The following DIPK2B variants were observed in gnomAD, a reference collection of about 807,000 sequenced individuals.
The protein encoded by DIPK2B is UPF0672 protein CXorf36.
A neutral mutation model predicts 22.2 loss-of-function variants in DIPK2B; 15 were observed. The observed-to-expected ratio is 0.68, with a 90% CI of 0.45 to 1.04. The LOEUF (loss-of-function observed/expected upper bound fraction) is 1.04. Among genes scored for constraint, DIPK2B ranks in the 50% least tolerant of loss-of-function variants. The pLI, the probability that DIPK2B is intolerant of heterozygous loss-of-function variation, is 0.00. For synonymous variants in DIPK2B, 163 were observed against 153.2 expected, an observed-to-expected ratio of 1.06 and a Z score of -0.47; for missense variants, 345 against 348.3, an observed-to-expected ratio of 0.99 and a Z score of 0.08.
intron 2 of DIPK2B, among the ~76,000 whole-genome samples, chrX:45,159,025 A>C (rs1222938199): frequency 9.0e-6 from 1 of 110,741 alleles, no homozygotes; most frequent in Non-Finnish European, 1.9e-5. Context: ...CCTCTCCATA[A>C]ACTACCCAGG....
rs1017034992 is a variant in DIPK2B, at chrX:45,157,894, C to G, written c.499-6G>C. On this transcript the variant is annotated splice_polypyrimidine_tract_variant and splice_region_variant and intron_variant, in intron 2 of 4. Coordinates refer to ENST00000398000, the MANE Select transcript of DIPK2B (RefSeq NM_176819.4). ...AGGAGCGGGCTGGCCAGGCCCTACGCGCAGGTGGGAGAGAGGCGGGAGAAG... is the reference window on the plus strand; with the variant it reads ...AGGAGCGGGCTGGCCAGGCCCTACGGGCAGGTGGGAGAGAGGCGGGAGAAG... The G allele has an allele frequency of 5.6e-6, 6 of 1,071,323 alleles. No individual in the cohort carries two copies. The highest frequency in any genetic ancestry group is 4.9e-6 in the Non-Finnish European group (4 of 814,861). 88.3% of individuals were successfully genotyped at this position (1,071,323 alleles called of 1,213,427 possible). A position where few individuals can be genotyped will look rare whatever the true frequency, so the allele number is the denominator to read the frequency against.
intron 2 of DIPK2B, among the ~76,000 whole-genome samples, chrX:45,170,523 T>C (rs924548338): frequency 8.9e-6 from 1 of 112,728 alleles, no homozygotes; most frequent in Non-Finnish European, 1.9e-5. Flanking sequence ...AATTGGCTTC[T>C]TTTAGAGTGT....
intron 2 of DIPK2B, among the ~76,000 whole-genome samples, chrX:45,185,344 A>G (rs1159072602): frequency 8.9e-6 from 1 of 111,978 alleles, no homozygotes; most frequent in Non-Finnish European, 1.9e-5. Flanking sequence ...AATTGTATAG[A>G]ACAAAGGATG....
chrX:45,192,047 C>T (rs1279796486), intron 1 of DIPK2B, 32 bp from the exon 2 acceptor site: 1 of 1,176,581 alleles, frequency 8.5e-7, no homozygotes, highest in East Asian at 3.0e-5. Flanking sequence ...GAGGATTGGC[C>T]TGTGAGCTGG....
chrX:45,171,318 G>T (rs946432985), intron 2 of DIPK2B, among the ~76,000 whole-genome samples: 1 of 106,018 alleles, frequency 9.4e-6, no homozygotes, highest in Non-Finnish European at 2.0e-5. Context: ...ACCCTTGCCG[G>T]TCCCTGCAAA....
intron 2 of DIPK2B, among the ~76,000 whole-genome samples, chrX:45,183,902 G>C (rs1185858532): frequency 8.9e-6 from 1 of 111,979 alleles, no homozygotes; most frequent in Admixed American, 9.5e-5. Flanking sequence ...CTAAGACATA[G>C]ATAAAAATTG....
chrX:45,197,735 T>C (rs942067148), intron 1 of DIPK2B, among the ~76,000 whole-genome samples: 1 of 111,957 alleles, frequency 8.9e-6, no homozygotes, highest in Non-Finnish European at 1.9e-5. Flanking sequence ...TATTTGTAAG[T>C]GTGCAAGAAG....
At chrX:45,194,982 A>G (rs1484942009) in intron 1 of DIPK2B, among the ~76,000 whole-genome samples, 1 of 112,246 alleles carries the variant, frequency 8.9e-6, no homozygotes, top group African/African-American at 3.2e-5. Context: ...ATGACTTGTA[A>G]TGAGTGCCTG....
rs141606270 is a variant in DIPK2B at position 45,182,724 on chromosome X, C to T, written c.498+9027G>A. Among the ~76,000 whole-genome samples the T allele has an allele frequency of 2.5e-3, 286 of 113,294 alleles. 1 individual carries two copies. Among genetic ancestry groups the T allele is most frequent in the Non-Finnish European group, 4.7e-3 (250 of 53,470 alleles). On this transcript the variant is annotated intron_variant, in intron 2 of 4. Transcript: ENST00000398000. Reference sequence around the variant, plus strand: ...AAAAAGAACACCAACCACGGATTCACGCAACAACATGGATAAATAGCATGA... The same window carrying T: ...AAAAAGAACACCAACCACGGATTCATGCAACAACATGGATAAATAGCATGA...
At chrX:45,153,764 C>A (rs1038456588) in intron 4 of DIPK2B, 146 bp downstream of exon 4, 1 of 470,868 alleles carries the variant, frequency 2.1e-6, no homozygotes, top group Non-Finnish European at 3.6e-6. Context: ...TACATGAAAT[C>A]TAATATTCTC....
rs2046961215 is a variant in DIPK2B at position 45,151,568 on chromosome X, T to C, written c.*84A>G. ...TTTCTTCTCATCTTTAAAAAAGAGC[T>C]GCTTCTTTCTACCTTGCAGCAACCC... On this transcript the variant is annotated 3_prime_UTR_variant, in exon 5 of 5. Coordinates refer to ENST00000398000, the MANE Select transcript of DIPK2B (RefSeq NM_176819.4). 1.1e-6 allele frequency: 1 copy of C among 900,143 alleles called. No homozygotes were observed. The highest frequency in any genetic ancestry group is 1.6e-6 in the Non-Finnish European group (1 of 641,507). The allele number at this position is 900,143 out of a possible 1,213,427, so 74.2% of individuals were successfully genotyped here.
intron 3 of DIPK2B, among the ~76,000 whole-genome samples, 200 bp from the exon 4 acceptor site, chrX:45,154,398 C>T (rs1459988928): frequency 9.0e-6 from 1 of 110,794 alleles, no homozygotes; most frequent in Non-Finnish European, 1.9e-5. Flanking sequence ...ATCTATCTAT[C>T]ATCTATCATC....
In DIPK2B at chrX:45,157,845, AGGAGT is replaced by A; in HGVS notation, c.537_541del (p.Leu180GlyfsTer25). 8.6e-7 allele frequency: 1 copy of A among 1,166,042 alleles called. No homozygotes were observed. Among genetic ancestry groups the A allele is most frequent in the Non-Finnish European group, 1.1e-6 (1 of 872,757 alleles). On this transcript the variant is annotated frameshift_variant, in exon 3 of 5. Transcript: ENST00000398000. LOFTEE classifies it high-confidence loss of function. ...TGCATAGCGCCTGACCACGCGATCC[AGGAGT>A]CGCTGCGAAGGGCAGCGCAGGAGCG...
At chrX:45,152,339 C>A (rs2046966500) in intron 4 of DIPK2B, among the ~76,000 whole-genome samples, 1 of 97,761 alleles carries the variant, frequency 1.0e-5, no homozygotes, top group African/African-American at 3.6e-5. Flanking sequence ...GCCTGGGTGA[C>A]AGAGCGAAAA....
intron 4 of DIPK2B, among the ~76,000 whole-genome samples, chrX:45,153,420 A>G (rs1242506131): frequency 9.1e-6 from 1 of 109,801 alleles, no homozygotes; most frequent in Non-Finnish European, 1.9e-5. Flanking sequence ...TTTTAGATAA[A>G]GGGTAAAAGC....
intron 2 of DIPK2B, among the ~76,000 whole-genome samples, chrX:45,188,767 C>A (rs1429334229): frequency 9.0e-6 from 1 of 111,691 alleles, no homozygotes; most frequent in East Asian, 2.8e-4. Context: ...CAGCCCTTGG[C>A]AACCACTGAT....
In DIPK2B at chrX:45,154,329, AT is replaced by A. The variant is rs2046980587; in HGVS notation, c.673-132del. On this transcript the variant is annotated intron_variant, in intron 3 of 4. Coordinates refer to ENST00000398000, the MANE Select transcript of DIPK2B (RefSeq NM_176819.4). ...TATCTATCTATCTATCTGTCTATCT[AT>A]ATCAATCATCTATATCTATCATCTA... The A allele has an allele frequency of 1.1e-5, 6 of 549,199 alleles. No homozygotes were observed. The East Asian group carries it at 2.3e-4, about 21-fold the overall frequency. The allele number at this position is 549,199 out of a possible 1,213,427, so 45.3% of individuals were successfully genotyped here. A position where few individuals can be genotyped will look rare whatever the true frequency, so the allele number is the denominator to read the frequency against.
chrX:45,190,740 T>C (rs1320174242), intron 2 of DIPK2B, among the ~76,000 whole-genome samples: 1 of 112,116 alleles, frequency 8.9e-6, no homozygotes, highest in Non-Finnish European at 1.9e-5. Flanking sequence ...ATCTTTTCCC[T>C]ATACCCTAGT....
chrX:45,190,035 G>T (rs889714843), intron 2 of DIPK2B, among the ~76,000 whole-genome samples: 4 of 112,148 alleles, frequency 3.6e-5, no homozygotes, highest in Non-Finnish European at 7.5e-5. Context: ...TGACAAAATT[G>T]CTAGAGAAAA....
Sources: allele counts gnomAD v4.1 joint callset (sites outside exome capture counted in the v4.1 genomes callset), GRCh38; gene constraint gnomAD v4.1.1; transcripts MANE v1.5; gene names NCBI Gene and HGNC (gene_info 2026-07-23, HGNC 2026-07-21).